The following PHLDB2 variants were observed in gnomAD, a reference collection of about 807,000 sequenced individuals.
The protein encoded by PHLDB2 is pleckstrin homology like domain family B member 2, also known as pleckstrin homology-like domain family B member 2.
Under a neutral mutation model 123.6 loss-of-function variants are expected in PHLDB2, and 71 were observed. The observed-to-expected ratio is 0.57, with a 90% confidence interval of 0.47 to 0.70. The LOEUF is 0.70. PHLDB2 is among the 30% of genes least tolerant of loss of function. The pLI is 0.00. For synonymous variants in PHLDB2, 547 were observed against 541.6 expected (o/e 1.01, Z -0.14); for missense variants, 1,446 against 1,519.5 (o/e 0.95, Z 0.80).
At chr3:111,881,405 T>C (rs1250812627) in intron 1 of PHLDB2, among the ~76,000 whole-genome samples, 1 of 152,202 alleles carries the variant, frequency 6.6e-6, no homozygotes, top group Non-Finnish European at 1.5e-5. Flanking sequence ...TTAAAAATAC[T>C]TAAGAACCAT....
intron 1 of PHLDB2, among the ~76,000 whole-genome samples, chr3:111,879,301 T>C (rs968218241): frequency 2.6e-5 from 4 of 152,198 alleles, no homozygotes; most frequent in Non-Finnish European, 4.4e-5. Flanking sequence ...TGTCCAGGAA[T>C]TTGTCCATTT....
upstream of PHLDB2, among the ~76,000 whole-genome samples, chr3:111,858,512 T>C (rs757335253): frequency 1.3e-5 from 2 of 152,188 alleles, no homozygotes; most frequent in Non-Finnish European, 2.9e-5. Context: ...GGTGAGGCTC[T>C]CCCTAAAAGT....
In PHLDB2 at chr3:111,949,053, C is replaced by A. The variant is rs148911785; in HGVS notation, c.2609C>A (p.Ala870Glu). Residue 870 changes from alanine to glutamate, a missense_variant, in exon 10 of 18, where the codon GCG (alanine) becomes GAG (glutamate). Ala to Glu is a moderately radical substitution (Grantham distance 107, BLOSUM62 -1). Around this residue, in one of 3 missense-constraint regions of PHLDB2, gnomAD observed 594 missense variants for 646.0 expected, o/e 0.92. Transcript: ENST00000431670. Reference sequence around the variant, plus strand: ...ACTGAGCCTGCCACAGCTGTGCTGGCGAGCCAGCCACAGAGTAAAGAGGTG... The same window carrying A: ...ACTGAGCCTGCCACAGCTGTGCTGGAGAGCCAGCCACAGAGTAAAGAGGTG... ...VATEPATAVL[A>E]SQPQSKEHFR... The A allele has an allele frequency of 1.2e-6, 2 of 1,613,438 alleles. No homozygotes were observed. The highest frequency in any genetic ancestry group is 1.7e-6 in the Non-Finnish European group (2 of 1,179,860).
At chr3:111,911,335 G>T (rs79421225) in intron 2 of PHLDB2, among the ~76,000 whole-genome samples, 26 of 152,270 alleles carry the variant, frequency 1.7e-4, no homozygotes, top group African/African-American at 6.0e-4. Flanking sequence ...TTACCTAAGT[G>T]GCAGAAAAAG....
At chr3:111,801,797 A>G (rs114909067) in intron 1 of PHLDB2, among the ~76,000 whole-genome samples, 1 of 152,238 alleles carries the variant, frequency 6.6e-6, no homozygotes, top group African/African-American at 2.4e-5. Context: ...AGTCAAGTCT[A>G]TAGAGACAGA....
chr3:111,892,873 A>G (rs2066583403), intron 2 of PHLDB2, among the ~76,000 whole-genome samples: 2 of 152,234 alleles, frequency 1.3e-5, no homozygotes, highest in Non-Finnish European at 2.9e-5. Flanking sequence ...TATTTTATAA[A>G]ATAAACTTAT....
At chr3:111,810,970 A>C (rs2061810203) in intron 1 of PHLDB2, among the ~76,000 whole-genome samples, 1 of 152,220 alleles carries the variant, frequency 6.6e-6, no homozygotes, top group Non-Finnish European at 1.5e-5. Context: ...AGAGATTTCA[A>C]AGAGCTGTCA....
intron 2 of PHLDB2, among the ~76,000 whole-genome samples, chr3:111,889,281 T>G (rs1559887692): frequency 6.6e-6 from 1 of 152,236 alleles, no homozygotes; most frequent in Non-Finnish European, 1.5e-5. Context: ...TGTTGTTGTT[T>G]TTAAAATGTA....
At chr3:111,863,074 A>G (rs2064912469) in intron 1 of PHLDB2, among the ~76,000 whole-genome samples, 1 of 152,230 alleles carries the variant, frequency 6.6e-6, no homozygotes, top group Non-Finnish European at 1.5e-5. Context: ...GAGAAAATAA[A>G]TAAATGCTTC....
chr3:111,826,920 G>A (rs1459142640), intron 1 of PHLDB2, among the ~76,000 whole-genome samples: 1 of 152,102 alleles, frequency 6.6e-6, no homozygotes, highest in African/African-American at 2.4e-5. Flanking sequence ...GATGATGATG[G>A]AAATGACGTG....
At chr3:111,786,279 T>A (rs1172506914) in intron 1 of PHLDB2, among the ~76,000 whole-genome samples, 1 of 152,164 alleles carries the variant, frequency 6.6e-6, no homozygotes, top group African/African-American at 2.4e-5. Context: ...AGAAAAAAAG[T>A]CAATACGTGC....
At chr3:111,811,064 G>A (rs2108332715) in intron 1 of PHLDB2, among the ~76,000 whole-genome samples, 1 of 152,312 alleles carries the variant, frequency 6.6e-6, no homozygotes, top group Non-Finnish European at 1.5e-5. Flanking sequence ...TCTGTAAGCA[G>A]AGCCAAAAAG....
chr3:111,842,645 G>A (rs2063744891), intron 1 of PHLDB2, among the ~76,000 whole-genome samples: 1 of 152,140 alleles, frequency 6.6e-6, no homozygotes, highest in African/African-American at 2.4e-5. Context: ...CCTACTTAAA[G>A]TTTACAATTC....
chr3:111,925,218 A>G lies in PHLDB2; in HGVS notation c.2001+4799A>G, dbSNP rs367965123. On this transcript the variant is annotated intron_variant, in intron 5 of 17. Coordinates refer to ENST00000431670, the MANE Select transcript of PHLDB2 (RefSeq NM_001134438.2). ...TAGTGTTACTTCTTTTAGCTGATTT[A>G]GGAATGCATTTTATTTTGCACATTC... 3.9e-5 allele frequency among the ~76,000 whole-genome samples: 6 copies of G among 152,326 alleles called. No homozygotes were observed. In the East Asian group the frequency reaches 1.2e-3, roughly 29 times the overall value.
At chr3:111,808,252 T>C (rs1442066248) in intron 1 of PHLDB2, among the ~76,000 whole-genome samples, 2 of 152,178 alleles carry the variant, frequency 1.3e-5, no homozygotes, top group East Asian at 3.9e-4. Flanking sequence ...TCTGACATCT[T>C]AGAAAGAGAC....
chr3:111,885,101 C>A lies in PHLDB2; in HGVS notation c.1024C>A (p.Leu342Ile). Residue 342 changes from leucine to isoleucine, a missense_variant, in exon 2 of 18, where the codon CTT becomes ATT. Leu to Ile is a conservative substitution (Grantham distance 5). Transcript: ENST00000431670. ...PASPRVARKM[L>I]LASTSSCASD... ...CAGTCCACGAGTGGCTCGGAAGATG[C>A]TTCTGGCCTCCACCTCCTCCTGTGC... 1.2e-6 allele frequency: 2 copies of A among 1,614,142 alleles called. No individual in the cohort carries two copies. The highest frequency in any genetic ancestry group is 1.7e-6 in the Non-Finnish European group (2 of 1,180,028).
chr3:111,773,414 C>T (rs1320418618), intron 1 of PHLDB2, among the ~76,000 whole-genome samples: 2 of 152,054 alleles, frequency 1.3e-5, no homozygotes, highest in Non-Finnish European at 2.9e-5. Flanking sequence ...TTGAGGGGGT[C>T]CCTTAAAGAC....
chr3:111,904,469 C>T (rs770863216), intron 2 of PHLDB2, among the ~76,000 whole-genome samples: 8 of 152,022 alleles, frequency 5.3e-5, no homozygotes, highest in Non-Finnish European at 7.4e-5. Flanking sequence ...CCTTCTCATT[C>T]GGGATGTCCA....
intron 1 of PHLDB2, among the ~76,000 whole-genome samples, chr3:111,776,047 G>A (rs2060262083): frequency 6.6e-6 from 1 of 152,124 alleles, no homozygotes; most frequent in Non-Finnish European, 1.5e-5. Context: ...AGCATAGTGG[G>A]ACAATACAGA....
Sources: allele counts gnomAD v4.1 joint callset (sites outside exome capture counted in the v4.1 genomes callset), GRCh38; gene constraint gnomAD v4.1.1; regional missense constraint gnomAD v4.1.1; transcripts MANE v1.5; gene names NCBI Gene and HGNC (gene_info 2026-07-23, HGNC 2026-07-21).